EYA4: variants seen among roughly 807,000 people sequenced by gnomAD.
EYA4 encodes the protein EYA transcriptional coactivator and phosphatase 4.
EYA4 carries 31 observed loss-of-function variants against 87.9 expected under a neutral mutation model. That is an observed-to-expected ratio of 0.35 (90% CI 0.27 to 0.48). The LOEUF is 0.48. Among genes scored for constraint, EYA4 ranks in the 20% least tolerant of loss-of-function variants. EYA4 has a pLI of 0.99. For synonymous variants in EYA4, 263 were observed against 270.6 expected (o/e 0.97, Z 0.28); for missense variants, 678 against 761.4 (o/e 0.89, Z 1.29).
In EYA4 at chr6:133,528,830, T is replaced by A; in HGVS notation, c.*25T>A. The A allele has an allele frequency of 6.2e-7, 1 of 1,612,134 alleles. No homozygotes were observed. Among genetic ancestry groups the A allele is most frequent in the South Asian group, 1.1e-5 (1 of 91,028 alleles). On this transcript the variant is annotated 3_prime_UTR_variant, in exon 20 of 20. Coordinates refer to ENST00000355286, the MANE Select transcript of EYA4 (RefSeq NM_004100.5). ...ACTGTGTTCTTTAGCCGGAGATCCA[T>A]TTTTTATATTTCAAGTACACTGAAT...
intron 2 of EYA4, among the ~76,000 whole-genome samples, chr6:133,361,461 TGGA>T (rs1784440855): frequency 6.6e-6 from 1 of 152,200 alleles, no homozygotes; most frequent in African/African-American, 2.4e-5. Flanking sequence ...CTTCCTTTAT[TGGA>T]AGTAATAAGT....
intron 11 of EYA4, among the ~76,000 whole-genome samples, chr6:133,477,987 A>G (rs1303840982): frequency 6.6e-6 from 1 of 152,140 alleles, no homozygotes; most frequent in Non-Finnish European, 1.5e-5. Flanking sequence ...TGAGCAAGAA[A>G]CATGAAAAAG....
At chr6:133,383,113 A>T (rs1786377583) in intron 3 of EYA4, among the ~76,000 whole-genome samples, 2 of 152,230 alleles carry the variant, frequency 1.3e-5, no homozygotes, top group Non-Finnish European at 2.9e-5. Context: ...AATAATAAAC[A>T]CATGTTCTTA....
chr6:133,304,199 T>C (rs1450155260), intron 2 of EYA4, among the ~76,000 whole-genome samples: 1 of 152,158 alleles, frequency 6.6e-6, no homozygotes. Flanking sequence ...TAAGCATCAA[T>C]CCTGTCCTAA....
chr6:133,264,288 G>A (rs1426315229), intron 1 of EYA4, among the ~76,000 whole-genome samples: 1 of 152,234 alleles, frequency 6.6e-6, no homozygotes, highest in Non-Finnish European at 1.5e-5. Flanking sequence ...CGGTACTACC[G>A]CTAGACACTG....
chr6:133,480,133 C>A (rs1796078937), intron 11 of EYA4, among the ~76,000 whole-genome samples: 1 of 152,254 alleles, frequency 6.6e-6, no homozygotes, highest in South Asian at 2.1e-4. Flanking sequence ...GGATGGAATT[C>A]TGACATACTA....
intron 1 of EYA4, among the ~76,000 whole-genome samples, chr6:133,249,488 A>G (rs1464383695): frequency 2.0e-5 from 3 of 152,278 alleles, no homozygotes; most frequent in Admixed American, 6.5e-5. Context: ...CCTGCTGCCT[A>G]TAGGGCAAAT....
intron 13 of EYA4, among the ~76,000 whole-genome samples, chr6:133,500,031 C>T (rs1198611438): frequency 6.7e-6 from 1 of 150,210 alleles, no homozygotes; most frequent in Non-Finnish European, 1.5e-5. Context: ...TGTTAAACTA[C>T]CTGGCAAACT....
intron 3 of EYA4, among the ~76,000 whole-genome samples, chr6:133,407,356 A>G (rs1212630210): frequency 6.6e-6 from 1 of 151,296 alleles, no homozygotes; most frequent in African/African-American, 2.4e-5. Context: ...AAGTTGGACT[A>G]AATGTTGAAT....
chr6:133,306,738 G>C (rs941487971), intron 2 of EYA4, among the ~76,000 whole-genome samples: 3 of 152,092 alleles, frequency 2.0e-5, no homozygotes, highest in Admixed American at 2.0e-4. Context: ...TATTTAAATA[G>C]TTATTTCTAC....
chr6:133,463,959 A>G (rs979491844), intron 9 of EYA4, among the ~76,000 whole-genome samples: 1 of 150,494 alleles, frequency 6.6e-6, no homozygotes, highest in Non-Finnish European at 1.5e-5. Flanking sequence ...TGTGACAGAC[A>G]GTATTTTTTT....
chr6:133,442,978 G>A (rs892898112), intron 3 of EYA4, among the ~76,000 whole-genome samples: 5 of 151,878 alleles, frequency 3.3e-5, no homozygotes, highest in Non-Finnish European at 5.9e-5. Flanking sequence ...GGCATAAAGC[G>A]CACTTGGTCA....
intron 6 of EYA4, among the ~76,000 whole-genome samples, chr6:133,457,524 A>G (rs1794013816): frequency 6.6e-6 from 1 of 152,098 alleles, no homozygotes; most frequent in African/African-American, 2.4e-5. Flanking sequence ...AAAATAGTTG[A>G]GATATGTCTT....
At chr6:133,472,987 C>G (rs1404411863) in intron 11 of EYA4, among the ~76,000 whole-genome samples, 1 of 151,768 alleles carries the variant, frequency 6.6e-6, no homozygotes, top group African/African-American at 2.4e-5. Context: ...AAGCTATAGA[C>G]TTGGAGAAAA....
chr6:133,250,503 G>T (rs987141234), intron 1 of EYA4, among the ~76,000 whole-genome samples: 1 of 152,026 alleles, frequency 6.6e-6, no homozygotes, highest in African/African-American at 2.4e-5. Context: ...TTAGCTGGGC[G>T]TGGTGGTGGG....
chr6:133,476,485 A>G (rs1357908569), intron 11 of EYA4, among the ~76,000 whole-genome samples: 3 of 152,086 alleles, frequency 2.0e-5, no homozygotes, highest in Non-Finnish European at 4.4e-5. Flanking sequence ...CACTCCACAT[A>G]TAAATGAGGT....
chr6:133,454,980 C>T, intron 5 of EYA4, among the ~76,000 whole-genome samples: 1 of 152,112 alleles, frequency 6.6e-6, no homozygotes. Context: ...TGCACTGGAA[C>T]TTATGCAGGC....
chr6:133,465,973 T>G (rs1794802431), intron 10 of EYA4, among the ~76,000 whole-genome samples: 1 of 152,050 alleles, frequency 6.6e-6, no homozygotes, highest in Admixed American at 6.6e-5. Context: ...AAATTGAGGT[T>G]TTTTTTGTAA....
At position 133,451,820 on chromosome 6, in the gene EYA4, G is replaced by GT. The variant is rs533490859; in HGVS notation, c.277+3648dup. On this transcript the variant is annotated intron_variant, in intron 5 of 19. Transcript: ENST00000355286. ...ATCAGACATTCTGATCAGCTTTAGT[G>GT]TTTTTTTCTATATTTGAAATCGATA... Among the ~76,000 whole-genome samples, 56 of 152,206 alleles carry GT rather than the reference G, an allele frequency of 3.7e-4. No homozygotes were observed. The East Asian group carries it at 8.9e-3, about 24-fold the overall frequency.
Sources: gnomAD v4.1 joint callset for allele counts (sites outside exome capture counted in the v4.1 genomes callset) on GRCh38, gnomAD v4.1.1 for gene constraint, MANE v1.5 for transcripts, NCBI Gene and HGNC (gene_info 2026-07-23, HGNC 2026-07-21) for gene names.